Variants in HNF4A observed in about 807,000 individuals in gnomAD.
HNF4A encodes hepatocyte nuclear factor 4-alpha.
HNF4A carries 15 observed loss-of-function variants against 52.4 expected under a neutral mutation model. The observed-to-expected ratio is 0.29, with a 90% CI of 0.19 to 0.44. The LOEUF is 0.44. HNF4A is among the 20% of genes least tolerant of loss of function. HNF4A has a pLI of 1.00. For missense variants in HNF4A, 479 were observed against 647.2 expected, an observed-to-expected ratio of 0.74 and a Z score of 2.82; for synonymous variants, 280 against 264.4, an observed-to-expected ratio of 1.06 and a Z score of -0.57.
intron 1 of HNF4A, among the ~76,000 whole-genome samples, chr20:44,363,107 C>T (rs748200399): frequency 6.6e-6 from 1 of 152,026 alleles, no homozygotes; most frequent in Non-Finnish European, 1.5e-5. Flanking sequence ...CTGCCCGCCT[C>T]GGCCTCCCAA....
intron 1 of HNF4A, among the ~76,000 whole-genome samples, chr20:44,365,060 C>T (rs991230497): frequency 3.9e-5 from 6 of 152,134 alleles, no homozygotes; most frequent in East Asian, 1.9e-4. Context: ...CACAGTTGAT[C>T]GTCTGTGCAG....
chr20:44,391,849 AAGG>A (rs1336265519), intron 1 of HNF4A, among the ~76,000 whole-genome samples: 1 of 152,222 alleles, frequency 6.6e-6, no homozygotes, highest in African/African-American at 2.4e-5. Flanking sequence ...TGAGGAAGTC[AAGG>A]AGAACAGGTG....
rs756553207 is a variant in HNF4A at position 44,401,476 on chromosome 20, C to T, written c.104C>T (p.Thr35Met). Residue 35 changes from threonine to methionine, a missense_variant, in exon 1 of 10, where the codon ACG (threonine) becomes ATG (methionine). By Grantham distance (81) the Thr-to-Met change is moderately conservative (BLOSUM62 -1). Coordinates refer to ENST00000316099, the MANE Select transcript of HNF4A (RefSeq NM_000457.6). The stretch of plus-strand genomic sequence containing the variant: ...GAATTTGAGAATGTGCAGGTGTTGA[C>T]GATGGGCAATGGTAGGTGGGGGCAG... 2.5e-5 allele frequency: 40 copies of T among 1,614,070 alleles called. No individual in the cohort carries two copies. The highest frequency in any genetic ancestry group is 1.3e-4 in the Admixed American group (8 of 60,004).
At chr20:44,425,896 G>T (rs967265753) in intron 8 of HNF4A, among the ~76,000 whole-genome samples, 1 of 152,026 alleles carries the variant, frequency 6.6e-6, no homozygotes, top group African/African-American at 2.4e-5. Context: ...CTAGCCTTAA[G>T]CAATCCTTCC....
At chr20:44,356,966 T>C (rs1465594868) in intron 1 of HNF4A, among the ~76,000 whole-genome samples, 2 of 152,176 alleles carry the variant, frequency 1.3e-5, no homozygotes, top group African/African-American at 4.8e-5. Context: ...GACTAGGATG[T>C]GTCTTAAGAT....
chr20:44,390,704 C>T, intron 1 of HNF4A: 1 of 700,162 alleles, frequency 1.4e-6, no homozygotes, highest in Non-Finnish European at 2.6e-6. Context: ...CCACATCTGC[C>T]TGGAAGGAAG....
At chr20:44,379,351 T>C (rs948657422) in intron 1 of HNF4A, among the ~76,000 whole-genome samples, 2 of 152,102 alleles carry the variant, frequency 1.3e-5, no homozygotes, top group Non-Finnish European at 2.9e-5. Flanking sequence ...GTTCTATTTT[T>C]CATTTTTTAG....
chr20:44,374,258 C>T (rs1247610002), intron 1 of HNF4A, among the ~76,000 whole-genome samples: 2 of 152,124 alleles, frequency 1.3e-5, no homozygotes, highest in Non-Finnish European at 2.9e-5. Flanking sequence ...TGTGTTGATT[C>T]ACTTAGGATG....
At chr20:44,363,855 C>T (rs763747575) in intron 1 of HNF4A, among the ~76,000 whole-genome samples, 1 of 151,962 alleles carries the variant, frequency 6.6e-6, no homozygotes, top group Non-Finnish European at 1.5e-5. Flanking sequence ...TGCCACCACA[C>T]CTGACAAATT....
chr20:44,413,092 G>A (rs6073433), intron 3 of HNF4A, among the ~76,000 whole-genome samples: 49,951 of 152,084 alleles, frequency 0.33, 8,474 homozygotes, highest in Middle Eastern at 0.44. Context: ...AGGCAGTGGA[G>A]CCTGGGGCCC....
intron 7 of HNF4A, among the ~76,000 whole-genome samples, chr20:44,423,675 G>A (rs1275312324): frequency 2.0e-5 from 3 of 152,216 alleles, no homozygotes; most frequent in Non-Finnish European, 4.4e-5. Flanking sequence ...GTGCGACCCA[G>A]GACAAGTCCT....
chr20:44,390,974 G>A lies in HNF4A; in HGVS notation c.50-15084G>A, dbSNP rs375849534. Among the ~76,000 whole-genome samples the A allele has an allele frequency of 4.6e-5, 7 of 152,238 alleles. No individual in the cohort carries two copies. In the East Asian group the frequency reaches 5.8e-4, roughly 13 times the overall value. On this transcript the variant is annotated intron_variant, in intron 1 of 9. Transcript: ENST00000316673. ...TTTGCAGTTGGGGAAACTGAGGCAC[G>A]GAGAGGGAAAATGACTTGCCCAAAG...
chr20:44,360,924 A>G (rs1342555895), intron 1 of HNF4A, among the ~76,000 whole-genome samples: 1 of 152,182 alleles, frequency 6.6e-6, no homozygotes, highest in African/African-American at 2.4e-5. Context: ...TCCATGAGCT[A>G]ATGAAAGAGA....
intron 6 of HNF4A, among the ~76,000 whole-genome samples, chr20:44,418,747 G>A (rs1362649027): frequency 6.6e-6 from 1 of 152,190 alleles, no homozygotes; most frequent in African/African-American, 2.4e-5. Flanking sequence ...TGAAGTCAGA[G>A]CACGATCAGG....
At chr20:44,358,648 CAA>C (rs949808647) in intron 1 of HNF4A, among the ~76,000 whole-genome samples, 2 of 151,890 alleles carry the variant, frequency 1.3e-5, no homozygotes, top group African/African-American at 2.4e-5. Context: ...AAAAAACAAA[CAA>C]AAAATCTTCT....
At chr20:44,417,681 T>C (rs2146433830) in intron 5 of HNF4A, among the ~76,000 whole-genome samples, 1 of 152,250 alleles carries the variant, frequency 6.6e-6, no homozygotes, top group East Asian at 1.9e-4. Context: ...CCTAAGAATC[T>C]GTATTTTCAG....
chr20:44,365,728 C>T (rs114310751), intron 1 of HNF4A, among the ~76,000 whole-genome samples: 1,832 of 152,134 alleles, frequency 0.012, 35 homozygotes, highest in African/African-American at 0.042. Context: ...AAGATTTGGC[C>T]GGACGCCGTG....
chr20:44,406,253 C>T (rs1163346765), intron 2 of HNF4A, 21 bp downstream of exon 2: 1 of 1,609,764 alleles, frequency 6.2e-7, no homozygotes, highest in Non-Finnish European at 8.5e-7. Flanking sequence ...TCAATTTCTT[C>T]AGCTGGGAAA....
intron 1 of HNF4A, chr20:44,390,463 C>T (rs2146299079): frequency 3.4e-6 from 2 of 596,872 alleles, no homozygotes; most frequent in East Asian, 2.8e-5. Context: ...GACAGGTCTG[C>T]AGTTTCCATG....
Sources: gnomAD v4.1 joint callset for allele counts (sites outside exome capture counted in the v4.1 genomes callset) on GRCh38, gnomAD v4.1.1 for gene constraint, MANE v1.5 for transcripts, NCBI Gene and HGNC (gene_info 2026-07-23, HGNC 2026-07-21) for gene names.